The following MYH15 variants were observed in gnomAD, a reference collection of about 807,000 sequenced individuals.
MYH15 encodes myosin-15.
Under a neutral mutation model 240.5 loss-of-function variants are expected in MYH15, and 227 were observed. That is an observed-to-expected ratio of 0.94 (90% CI 0.85 to 1.05). MYH15 has a LOEUF of 1.05. Among genes scored for constraint, MYH15 ranks in the 50% least tolerant of loss-of-function variants. MYH15 has a pLI of 0.00. For synonymous variants in MYH15, 785 were observed against 796.7 expected, an observed-to-expected ratio of 0.99 and a Z score of 0.25; for missense variants, 2,217 against 2,247.5, an observed-to-expected ratio of 0.99 and a Z score of 0.27.
At position 108,391,760 on chromosome 3, in the gene MYH15, C is replaced by A; in HGVS notation, c.5430G>T (p.Arg1810Ser). The A allele has an allele frequency of 2.5e-6, 4 of 1,613,080 alleles. No individual in the cohort carries two copies. The highest frequency in any genetic ancestry group is 3.4e-6 in the Non-Finnish European group (4 of 1,179,602). The change falls in exon 37 of 41, where the codon AGG (arginine) becomes AGT (serine). Residue 1810 changes from arginine (R) to serine (S), a missense_variant and splice_region_variant. Physicochemically the swap from Arg to Ser is moderately radical, Grantham distance 110 (BLOSUM62 -1). Transcript: ENST00000693548. ...CCCTCATGATTACCCAGACTCCTAC[C>A]CTGGATTCTAGTTTCTGGATTTGCT... Reference protein sequence around the residue: ...SRKQIQKLESRVRELEGELEG... With the variant: ...SRKQIQKLESSVRELEGELEG...
At chr3:108,455,705 C>G (rs776396752) in intron 20 of MYH15, 31 bp downstream of exon 20, 1 of 1,610,584 alleles carries the variant, frequency 6.2e-7, no homozygotes, top group South Asian at 1.1e-5. Context: ...CCATTCGTCT[C>G]CAAATGCATT....
Position 108,470,737 on chromosome 3 carries a change from G to A in MYH15, c.1344C>T (p.Phe448=). ...AACCAGTGATGTCAAGAATGCCAATGAAGAACTGCCTTGACAGCTTGGCAT... is the reference window on the plus strand; with the variant it reads ...AACCAGTGATGTCAAGAATGCCAATAAAGAACTGCCTTGACAGCTTGGCAT... ...ALDAKLSRQF[F]IGILDITGFE... The change falls in exon 13 of 41, where the codon TTC becomes TTT. Residue 448 remains phenylalanine, a synonymous_variant. Transcript: ENST00000693548. 6.2e-7 allele frequency: 1 copy of A among 1,613,742 alleles called. No individual in the cohort carries two copies. The highest frequency in any genetic ancestry group is 2.2e-5 in the East Asian group (1 of 44,832).
chr3:108,505,001 C>T (rs531646895), intron 2 of MYH15, among the ~76,000 whole-genome samples: 1 of 152,260 alleles, frequency 6.6e-6, no homozygotes, highest in Admixed American at 6.5e-5. Context: ...ACTGGCCATT[C>T]CCCCATCTCT....
chr3:108,513,207 A>G, upstream of MYH15, among the ~76,000 whole-genome samples: 1 of 152,208 alleles, frequency 6.6e-6, no homozygotes, highest in East Asian at 1.9e-4. Context: ...AGAAACACAG[A>G]TGAGTATAGA....
rs537905705 is a variant in MYH15 at position 108,414,598 on chromosome 3, G to GGATA, written c.3949-174_3949-171dup. On this transcript the variant is annotated intron_variant, in intron 29 of 40. Transcript: ENST00000693548. ...GGGAGAGAATTTGAGACAAGAGAAAGGATAGATAGTATCTAATTGCTGCCA... is the reference window on the plus strand; with the variant it reads ...GGGAGAGAATTTGAGACAAGAGAAAGGATAGATAGATAGTATCTAATTGCTGCCA... 1.9e-4 allele frequency among the ~76,000 whole-genome samples: 29 copies of GGATA among 152,264 alleles called. No individual in the cohort carries two copies. The East Asian group carries it at 5.6e-3, about 29-fold the overall frequency.
the MYH15 span, among the ~76,000 whole-genome samples, chr3:108,538,002 T>G: frequency 6.6e-6 from 1 of 152,184 alleles, no homozygotes; most frequent in South Asian, 2.1e-4. Flanking sequence ...AGTTTGTTCC[T>G]TGTGGGATGA....
At chr3:108,510,382 T>C (rs776671953) in intron 1 of MYH15, 61 bp downstream of exon 1, 12 of 1,553,532 alleles carry the variant, frequency 7.7e-6, no homozygotes, top group Admixed American at 2.1e-5. Flanking sequence ...CAATCAAATA[T>C]CTTAGTCACC....
chr3:108,540,184 T>A, the MYH15 span, among the ~76,000 whole-genome samples: 1 of 152,232 alleles, frequency 6.6e-6, no homozygotes, highest in South Asian at 2.1e-4. Flanking sequence ...TTTTCCAGGT[T>A]ACATGGTAGA....
At chr3:108,398,871 G>A in intron 34 of MYH15, 31 bp from the exon 35 acceptor site, 1 of 1,602,692 alleles carries the variant, frequency 6.2e-7, no homozygotes, top group Non-Finnish European at 8.5e-7. Flanking sequence ...CTGGAGTACA[G>A]ATCCCTCTGA....
At position 108,502,476 on chromosome 3, in the gene MYH15, A is replaced by G. The variant is rs1000799925; in HGVS notation, c.196-621T>C. Reference sequence around the variant, plus strand: ...TTTTTGATGTTGTCTTCTTTAATGAAGTTCAAAAACTTGCAATGCATGTTC... The same window carrying G: ...TTTTTGATGTTGTCTTCTTTAATGAGGTTCAAAAACTTGCAATGCATGTTC... On this transcript the variant is annotated intron_variant, in intron 2 of 40. Transcript: ENST00000693548. Among the ~76,000 whole-genome samples the G allele has an allele frequency of 5.3e-5, 8 of 152,294 alleles. No homozygotes were observed. In the South Asian group the frequency reaches 1.2e-3, roughly 24 times the overall value.
At chr3:108,512,460 G>A (rs1397829479), upstream of MYH15, among the ~76,000 whole-genome samples, 1 of 152,166 alleles carries the variant, frequency 6.6e-6, no homozygotes, top group Non-Finnish European at 1.5e-5. Context: ...CTCTCTGTAT[G>A]TGTGACTTCC....
chr3:108,548,896 T>C, the MYH15 span, among the ~76,000 whole-genome samples: 2 of 152,062 alleles, frequency 1.3e-5, no homozygotes, highest in African/African-American at 4.8e-5. Flanking sequence ...TATAAGTAAA[T>C]AGACCCAAAT....
chr3:108,387,208 A>T lies in MYH15; in HGVS notation c.5535+1762T>A, dbSNP rs141059334. ...TTTTAATTGCACCTAGGAATGGGCT[A>T]TCACCAAACACCCTGCCTCCTTGTC... On this transcript the variant is annotated intron_variant, in intron 38 of 40. Coordinates refer to ENST00000693548, the MANE Select transcript of MYH15 (RefSeq NM_014981.3). Among the ~76,000 whole-genome samples, 921 of 152,338 alleles carry T rather than the reference A, an allele frequency of 6.0e-3. 6 individuals are homozygous for T. Among genetic ancestry groups the T allele is most frequent in the Middle Eastern group, 0.031 (9 of 294 alleles).
rs1400821039 is a variant in MYH15, at chr3:108,383,624, T to C, written c.5737A>G (p.Lys1913Glu). The C allele has an allele frequency of 6.2e-7, 1 of 1,613,260 alleles. No individual in the cohort carries two copies. The highest frequency in any genetic ancestry group is 8.5e-7 in the Non-Finnish European group (1 of 1,179,678). The change falls in exon 40 of 41, where the codon AAA becomes GAA. Residue 1913 changes from lysine to glutamate, a missense_variant. Lys to Glu is a moderately conservative substitution (Grantham distance 56). Transcript: ENST00000693548. ...TTCCCAAACTCTCTTGCTTTAATTT[T>C]GAGTTTATTGACTTGAGATTCTGCC... ...EVAESQVNKL[K>E]IKAREFGKKV... is the part of the protein sequence containing the mutation.
At chr3:108,451,804 C>G (rs1221613094) in intron 21 of MYH15, among the ~76,000 whole-genome samples, 3 of 151,996 alleles carry the variant, frequency 2.0e-5, no homozygotes, top group Non-Finnish European at 4.4e-5. Flanking sequence ...GAAAATATTT[C>G]TTAACCAAAG....
At chr3:108,391,668 GT>G in intron 37 of MYH15, 91 bp downstream of exon 37, 1 of 1,302,860 alleles carries the variant, frequency 7.7e-7, no homozygotes, top group Middle Eastern at 1.9e-4. Context: ...TAAAGGGTAT[GT>G]GTGTTGGGGG....
In MYH15 at chr3:108,427,616, CA is replaced by C. The variant is rs374893606; in HGVS notation, c.3702+875del. Among the ~76,000 whole-genome samples, 194 of 58,842 alleles carry C rather than the reference CA, an allele frequency of 3.3e-3. 1 individual carries two copies. In the Middle Eastern group the frequency reaches 0.034, roughly 10 times the overall value. 38.6% of individuals were successfully genotyped at this position (58,842 alleles called of 152,430 possible). A position where few individuals can be genotyped will look rare whatever the true frequency, so the allele number is the denominator to read the frequency against. Reference sequence around the variant, plus strand: ...GGACTAAGACACACACACACACACACAACACACACACACACACACAGAGAGA... The same window carrying C: ...GGACTAAGACACACACACACACACACACACACACACACACACACAGAGAGA... On this transcript the variant is annotated intron_variant, in intron 27 of 40. Coordinates refer to ENST00000693548, the MANE Select transcript of MYH15 (RefSeq NM_014981.3).
intron 1 of MYH15, among the ~76,000 whole-genome samples, chr3:108,507,786 C>T (rs1000717646): frequency 2.6e-5 from 4 of 152,126 alleles, no homozygotes; most frequent in Non-Finnish European, 2.9e-5. Flanking sequence ...TAAATACTGG[C>T]TTTGCATTGT....
At chr3:108,392,930 T>C (rs533706939) in intron 36 of MYH15, among the ~76,000 whole-genome samples, 1 of 152,342 alleles carries the variant, frequency 6.6e-6, no homozygotes, top group South Asian at 2.1e-4. Context: ...CACCTCGTTT[T>C]CCTCAGAGAT....
Sources: allele counts gnomAD v4.1 joint callset (sites outside exome capture counted in the v4.1 genomes callset), GRCh38; gene constraint gnomAD v4.1.1; transcripts MANE v1.5; gene names NCBI Gene and HGNC (gene_info 2026-07-23, HGNC 2026-07-21).